Variants in SYNE2 observed in about 807,000 individuals in gnomAD.
SYNE2 encodes spectrin repeat containing nuclear envelope protein 2, also known as nesprin-2.
A neutral mutation model predicts 856.3 loss-of-function variants in SYNE2; 431 were observed. That is an observed-to-expected ratio of 0.50 (90% CI 0.47 to 0.55). SYNE2 has a LOEUF of 0.55. Among genes scored for constraint, SYNE2 ranks in the 20% least tolerant of loss-of-function variants. SYNE2 has a pLI of 0.00. For missense variants in SYNE2, 8,129 were observed against 8,023.2 expected (o/e 1.01, Z -0.50); for synonymous variants, 2,923 against 2,872.3 (o/e 1.02, Z -0.56).
At chr14:64,059,002 A>C (rs979227136) in intron 49 of SYNE2, among the ~76,000 whole-genome samples, 1 of 151,736 alleles carries the variant, frequency 6.6e-6, no homozygotes, top group African/African-American at 2.4e-5. Flanking sequence ...CAGCATTTCT[A>C]CTTGATTCTT....
chr14:64,123,253 G>A (rs1246248184), intron 70 of SYNE2, among the ~76,000 whole-genome samples: 2 of 152,186 alleles, frequency 1.3e-5, no homozygotes, highest in East Asian at 1.9e-4. Context: ...TATCACTGCC[G>A]TCACAGGCTC....
rs190238675 is a variant in SYNE2 at position 64,153,405 on chromosome 14, G to T, written c.15792+689G>T. Among the ~76,000 whole-genome samples the T allele has an allele frequency of 4.2e-3, 636 of 152,212 alleles. 2 individuals carry two copies. Among genetic ancestry groups the T allele is most frequent in the Non-Finnish European group, 7.7e-3 (525 of 68,008 alleles). On this transcript the variant is annotated intron_variant, in intron 85 of 115. Coordinates refer to ENST00000555002, the MANE Select transcript of SYNE2 (RefSeq NM_182914.3). ...AATCAATTGGTATAATCTATCAATG[G>T]TATAATCTATACCATCAATTATAGA...
At position 64,078,470 on chromosome 14, in the gene SYNE2, G is replaced by A. The variant is rs200505107; in HGVS notation, c.11027G>A (p.Ser3676Asn). Residue 3676 changes from serine (S) to asparagine (N), a missense_variant, in exon 55 of 116, where the codon AGC (serine) becomes AAC (asparagine). This residue lies in a region of SYNE2 where 5,410 missense variants were observed against 5,284.8 expected (regional missense o/e 1.02). Coordinates refer to ENST00000555002, the MANE Select transcript of SYNE2 (RefSeq NM_182914.3). ...KALEDIDEKI[S>N]NEVLKSSPSY... ...GCGTCTTTGTCTCTTTCACAGATTA[G>A]CAATGAAGTCTTAAAAAGCTCACCA... 6 of 1,613,724 alleles carry A rather than the reference G, an allele frequency of 3.7e-6. No homozygotes were observed. The Admixed American group carries it at 1.0e-4, about 27-fold the overall frequency.
chr14:63,831,468 C>T (rs2139896641), intron 1 of SYNE2, among the ~76,000 whole-genome samples: 1 of 148,742 alleles, frequency 6.7e-6, no homozygotes, highest in South Asian at 2.1e-4. Context: ...GTGTATTTGT[C>T]TGATTCTTCT....
intron 57 of SYNE2, chr14:64,085,031 T>C (rs1481605136): frequency 1.4e-6 from 1 of 701,912 alleles, no homozygotes; most frequent in South Asian, 1.5e-5. Flanking sequence ...GCATAAACAA[T>C]CTCCAAGAGA....
In SYNE2 at chr14:64,020,208, A is replaced by C. The variant is rs114405880; in HGVS notation, c.5151+115A>C. On this transcript the variant is annotated intron_variant, in intron 35 of 115. Transcript: ENST00000555002. ...ACCCTGTCTCTAAAAGAAGAAAAAA[A>C]CGGCCCAATTAAAGATTCTCTATAA... The C allele has an allele frequency of 4.3e-3, 3,209 of 746,160 alleles. 32 individuals are homozygous for C. Among genetic ancestry groups the C allele is most frequent in the East Asian group, 0.014 (516 of 38,190 alleles). The allele number at this position is 746,160 out of a possible 1,614,324, so 46.2% of individuals were successfully genotyped here. A position where few individuals can be genotyped will look rare whatever the true frequency, so the allele number is the denominator to read the frequency against.
chr14:64,051,524 T>C, intron 47 of SYNE2, 33 bp from the exon 48 acceptor site: 1 of 1,576,084 alleles, frequency 6.3e-7, no homozygotes. Flanking sequence ...AAGCATTAAA[T>C]ATTAACAAGC....
chr14:64,134,752 G>T (rs906261232), intron 78 of SYNE2, among the ~76,000 whole-genome samples: 1 of 152,026 alleles, frequency 6.6e-6, no homozygotes, highest in African/African-American at 2.4e-5. Flanking sequence ...CAAGGCAGGT[G>T]GATTGCCTGG....
In SYNE2 at chr14:64,021,297, T is replaced by C. The variant is rs750378516; in HGVS notation, c.5152-18T>C. On this transcript the variant is annotated intron_variant, in intron 35 of 115. Coordinates refer to ENST00000555002, the MANE Select transcript of SYNE2 (RefSeq NM_182914.3). ...AAATAATGACTGTTATACAACTTCA[T>C]ATATTTCATGATTTCAGGTCATGGA... The C allele has an allele frequency of 1.3e-6, 2 of 1,597,620 alleles. No homozygotes were observed. The highest frequency in any genetic ancestry group is 4.5e-5 in the East Asian group (2 of 44,800).
intron 63 of SYNE2, among the ~76,000 whole-genome samples, chr14:64,100,531 A>AAAAAAAAAAATATATATAT (rs1491537041): frequency 2.5e-5 from 1 of 39,496 alleles, no homozygotes; most frequent in Non-Finnish European, 4.7e-5. Context: ...AAAAAAAAAA[A>AAAAAAAAAAATATATATAT]ATATATATAT....
intron 11 of SYNE2, among the ~76,000 whole-genome samples, chr14:63,974,447 T>A (rs2096512484): frequency 6.6e-6 from 1 of 152,056 alleles, no homozygotes; most frequent in African/African-American, 2.4e-5. Flanking sequence ...CAACCAGCAC[T>A]CATGGGAACT....
At chr14:64,057,160 G>A (rs2097277662) in intron 49 of SYNE2, among the ~76,000 whole-genome samples, 1 of 151,866 alleles carries the variant, frequency 6.6e-6, no homozygotes, top group Non-Finnish European at 1.5e-5. Flanking sequence ...ATTTTTAAAT[G>A]TACAGTTAAA....
intron 82 of SYNE2, 147 bp downstream of exon 82, chr14:64,142,235 G>C: frequency 1.1e-6 from 1 of 933,712 alleles, no homozygotes; most frequent in Non-Finnish European, 1.7e-6. Context: ...ATTCTGGAGA[G>C]ATGTTAGTAG....
intron 108 of SYNE2, among the ~76,000 whole-genome samples, chr14:64,217,525 G>C (rs2098672155): frequency 6.6e-6 from 1 of 152,206 alleles, no homozygotes. Context: ...GTCCAATTCA[G>C]AAACACTTCC....
intron 1 of SYNE2, among the ~76,000 whole-genome samples, chr14:63,832,349 C>G (rs1889701338): frequency 6.6e-6 from 1 of 151,744 alleles, no homozygotes; most frequent in African/African-American, 2.4e-5. Flanking sequence ...CCATGTTGCC[C>G]AGGCTGGTCT....
upstream of SYNE2, among the ~76,000 whole-genome samples, chr14:63,850,337 C>G (rs1890368977): frequency 6.6e-6 from 1 of 151,380 alleles, no homozygotes; most frequent in East Asian, 1.9e-4. Context: ...ATCCACCTGC[C>G]TCAGCCGCCC....
Position 64,210,170 on chromosome 14 carries a change from A to G in SYNE2, c.18723+46A>G, listed in dbSNP as rs182103180. 6.3e-4 allele frequency: 1,006 copies of G among 1,597,938 alleles called. 2 individuals are homozygous for G. Among genetic ancestry groups the G allele is most frequent in the South Asian group, 2.1e-3 (190 of 89,460 alleles). On this transcript the variant is annotated intron_variant, in intron 103 of 115. Coordinates refer to ENST00000555002, the MANE Select transcript of SYNE2 (RefSeq NM_182914.3). ...CTCGGGTGTAGATTTTCCAGGAGACATAACGCACGATACGCAATGGCAGGC... is the reference window on the plus strand; with the variant it reads ...CTCGGGTGTAGATTTTCCAGGAGACGTAACGCACGATACGCAATGGCAGGC...
chr14:64,018,005 A>G (rs1567064681), intron 34 of SYNE2, among the ~76,000 whole-genome samples: 1 of 152,214 alleles, frequency 6.6e-6, no homozygotes, highest in Non-Finnish European at 1.5e-5. Flanking sequence ...ATTACGTATC[A>G]CAAATTGTTT....
chr14:64,037,423 T>C (rs550458856), intron 45 of SYNE2, among the ~76,000 whole-genome samples: 9 of 151,978 alleles, frequency 5.9e-5, no homozygotes, highest in Non-Finnish European at 8.8e-5. Flanking sequence ...ACACAGCACA[T>C]GTTTCAGAGA....
Sources: gnomAD v4.1 joint callset for allele counts (sites outside exome capture counted in the v4.1 genomes callset) on GRCh38, gnomAD v4.1.1 for gene constraint, gnomAD v4.1.1 regional missense constraint, MANE v1.5 for transcripts, NCBI Gene and HGNC (gene_info 2026-07-23, HGNC 2026-07-21) for gene names.